BTD: variants seen among roughly 807,000 people sequenced by gnomAD.
BTD encodes the protein biotinidase.
In BTD, 13 loss-of-function variants were observed where a neutral mutation model predicts 17.7. The observed-to-expected ratio is 0.74, with a 90% confidence interval of 0.48 to 1.17. The LOEUF is 1.17. Among genes scored for constraint, BTD ranks in the 50% most tolerant of loss-of-function variants. The probability of loss-of-function intolerance (pLI) is 0.00; values close to 1 mark genes in which losing one functional copy is unlikely to be tolerated. For synonymous variants in BTD, 240 were observed against 245.2 expected (o/e 0.98, Z 0.20); for missense variants, 674 against 650.4 (o/e 1.04, Z -0.39).
intron 3 of BTD, among the ~76,000 whole-genome samples, chr3:15,692,153 A>T (rs1325775344): frequency 2.0e-5 from 3 of 151,166 alleles, no homozygotes; most frequent in African/African-American, 4.8e-5. Flanking sequence ...ATAAAAAAAA[A>T]AAAAAAAAAA....
downstream of BTD, among the ~76,000 whole-genome samples, chr3:15,656,116 T>C (rs1050288375): frequency 5.9e-5 from 9 of 152,186 alleles, no homozygotes; most frequent in African/African-American, 1.9e-4. Flanking sequence ...TTTGTTATTA[T>C]TATAGATGTA....
intron 1 of BTD, among the ~76,000 whole-genome samples, chr3:15,628,837 ATC>A (rs1235749257): frequency 6.6e-6 from 1 of 152,174 alleles, no homozygotes; most frequent in Non-Finnish European, 1.5e-5. Context: ...TTTAAAAATA[ATC>A]TGTTTCATTT....
At chr3:15,675,476 T>C (rs945454791) in intron 3 of BTD, among the ~76,000 whole-genome samples, 4 of 152,064 alleles carry the variant, frequency 2.6e-5, no homozygotes, top group Non-Finnish European at 5.9e-5. Context: ...GAGCGAAAAA[T>C]GTTACTCCAG....
At chr3:15,687,525 A>T (rs917190764) in intron 3 of BTD, among the ~76,000 whole-genome samples, 1 of 152,188 alleles carries the variant, frequency 6.6e-6, no homozygotes, top group African/African-American at 2.4e-5. Flanking sequence ...AAAGAAATAC[A>T]TTAGAAAAAA....
At chr3:15,690,253 T>C (rs1333159060) in intron 3 of BTD, 4 of 1,507,222 alleles carry the variant, frequency 2.7e-6, no homozygotes, top group South Asian at 1.2e-5. Flanking sequence ...ATTTAAAACA[T>C]ACATATTTAG....
At chr3:15,641,797 T>C in intron 2 of BTD, 111 bp from the exon 3 acceptor site, 1 of 827,178 alleles carries the variant, frequency 1.2e-6, no homozygotes, top group Non-Finnish European at 2.0e-6. Context: ...TGGTTCCTGC[T>C]ACAGAGTAAC....
At chr3:15,601,486 A>G, upstream of BTD, 2 of 1,611,574 alleles carry the variant, frequency 1.2e-6, no homozygotes, top group Admixed American at 3.3e-5. Context: ...AGCTCTAAGC[A>G]CTCACGCAGC....
At chr3:15,637,378 C>G (rs1006680275) in intron 2 of BTD, among the ~76,000 whole-genome samples, 1 of 152,056 alleles carries the variant, frequency 6.6e-6, no homozygotes, top group Non-Finnish European at 1.5e-5. Context: ...AAGGCACTTG[C>G]TGTCAACTAA....
intron 3 of BTD, among the ~76,000 whole-genome samples, chr3:15,703,870 T>C (rs1200583342): frequency 6.6e-6 from 1 of 152,208 alleles, no homozygotes; most frequent in Non-Finnish European, 1.5e-5. Flanking sequence ...TTATAACATA[T>C]ACCAGGACTT....
At chr3:15,674,112 C>T (rs926061042) in intron 3 of BTD, among the ~76,000 whole-genome samples, 2 of 125,228 alleles carry the variant, frequency 1.6e-5, no homozygotes, top group Admixed American at 2.0e-4. Flanking sequence ...TTCAAGGTTA[C>T]AATCAGCTAT....
intron 1 of BTD, among the ~76,000 whole-genome samples, chr3:15,629,411 G>A (rs937222068): frequency 5.3e-5 from 8 of 152,160 alleles, no homozygotes; most frequent in African/African-American, 1.9e-4. Context: ...CTCTGATGGC[G>A]TGCTTACATT....
chr3:15,671,886 C>CT (rs1275191080), intron 3 of BTD, among the ~76,000 whole-genome samples: 1 of 151,946 alleles, frequency 6.6e-6, no homozygotes, highest in East Asian at 1.9e-4. Context: ...ACCCAGCCTA[C>CT]AGTTTAGAGT....
downstream of BTD, among the ~76,000 whole-genome samples, chr3:15,655,710 T>C (rs2065864314): frequency 6.6e-6 from 1 of 152,218 alleles, no homozygotes; most frequent in Non-Finnish European, 1.5e-5. Flanking sequence ...CCTTGGAGAC[T>C]CTCATTGTTT....
chr3:15,654,029 T>A (rs2065844328), downstream of BTD, among the ~76,000 whole-genome samples: 1 of 152,214 alleles, frequency 6.6e-6, no homozygotes, highest in Non-Finnish European at 1.5e-5. Flanking sequence ...GCCAAGACTG[T>A]TACCTTTAGC....
intron 1 of BTD, among the ~76,000 whole-genome samples, chr3:15,619,871 G>A (rs2064898895): frequency 6.6e-6 from 1 of 152,344 alleles, no homozygotes; most frequent in South Asian, 2.1e-4. Flanking sequence ...CATGATGCCT[G>A]CCTGAGTCTC....
At chr3:15,630,475 T>C (rs2065179294) in intron 1 of BTD, among the ~76,000 whole-genome samples, 1 of 152,174 alleles carries the variant, frequency 6.6e-6, no homozygotes, top group Non-Finnish European at 1.5e-5. Context: ...AGGAAGAAGT[T>C]TTATTTGACT....
chr3:15,601,755 T>C lies in BTD; in HGVS notation c.-156T>C, dbSNP rs1193881213. ...GGAGGCGGGACTAGCAGGAGATTGCTGCCTATGCAAAGCAGGTAAGAAGCC... is the reference window on the plus strand; with the variant it reads ...GGAGGCGGGACTAGCAGGAGATTGCCGCCTATGCAAAGCAGGTAAGAAGCC... On this transcript the variant is annotated 5_prime_UTR_variant, in exon 1 of 4. Transcript: ENST00000643237. 1.3e-6 allele frequency: 2 copies of C among 1,599,622 alleles called. No homozygotes were observed. The highest frequency in any genetic ancestry group is 2.2e-5 in the East Asian group (1 of 44,624).
chr3:15,713,583 C>T (rs776103250), downstream of BTD: 1 of 1,611,246 alleles, frequency 6.2e-7, no homozygotes, highest in African/African-American at 1.3e-5. Context: ...CATGGCCATA[C>T]CGTGCTGCTA....
chr3:15,704,619 G>T (rs1355926802), intron 3 of BTD, among the ~76,000 whole-genome samples: 1 of 152,118 alleles, frequency 6.6e-6, no homozygotes, highest in Non-Finnish European at 1.5e-5. Context: ...TTGGCAGAAT[G>T]AGTTATGCCT....
Sources: allele counts gnomAD v4.1 joint callset (sites outside exome capture counted in the v4.1 genomes callset), GRCh38; gene constraint gnomAD v4.1.1; transcripts MANE v1.5; gene names NCBI Gene and HGNC (gene_info 2026-07-23, HGNC 2026-07-21).